Variants in KCNJ5 observed in about 807,000 individuals in gnomAD.
The protein encoded by KCNJ5 is potassium inwardly rectifying channel subfamily J member 5, also known as G protein-activated inward rectifier potassium channel 4.
Under a neutral mutation model 20.2 loss-of-function variants are expected in KCNJ5, and 12 were observed. The observed-to-expected ratio is 0.59, with a 90% CI of 0.38 to 0.96. The LOEUF (loss-of-function observed/expected upper bound fraction) is 0.96, where lower values mean the gene tolerates loss of function less well. Ranked by LOEUF, KCNJ5 falls within the 40% of genes least tolerant of loss-of-function variation. The pLI is 0.00. For missense variants in KCNJ5, 449 were observed against 557.6 expected (o/e 0.81, Z 1.96); for synonymous variants, 210 against 213.9 (o/e 0.98, Z 0.16).
chr11:128,914,653 A>G (rs1035916109), intron 2 of KCNJ5, among the ~76,000 whole-genome samples: 1 of 152,224 alleles, frequency 6.6e-6, no homozygotes, highest in Non-Finnish European at 1.5e-5. Flanking sequence ...CAAAGTGAGG[A>G]AAATCAATCT....
rs1201738349 is a variant in KCNJ5, at chr11:128,918,285, CAAG to C, written c.*1556_*1558del. On this transcript the variant is annotated 3_prime_UTR_variant, in exon 3 of 3. Coordinates refer to ENST00000529694, the MANE Select transcript of KCNJ5 (RefSeq NM_000890.5). ...ATGGCTGCCCCTCCCAGGCTGGAAA[CAAG>C]AGGGCAAGCGGGGTCAGCAGGAGAA... The C allele has an allele frequency of 6.6e-6, 1 of 152,110 alleles. No individual in the cohort carries two copies. Among genetic ancestry groups the C allele is most frequent in the Non-Finnish European group, 1.5e-5 (1 of 68,044 alleles). 9.4% of individuals were successfully genotyped at this position (152,110 alleles called of 1,614,324 possible).
At chr11:128,898,949 G>C (rs1230437327) in intron 1 of KCNJ5, among the ~76,000 whole-genome samples, 1 of 152,170 alleles carries the variant, frequency 6.6e-6, no homozygotes, top group Non-Finnish European at 1.5e-5. Context: ...CACAGTTCTG[G>C]GATTACAGGC....
At position 128,916,602 on chromosome 11, in the gene KCNJ5, C is replaced by T. The variant is rs1944585934; in HGVS notation, c.1131C>T (p.Leu377=). The T allele has an allele frequency of 1.2e-5, 20 of 1,614,064 alleles. No homozygotes were observed. Among genetic ancestry groups the T allele is most frequent in the Non-Finnish European group, 1.7e-5 (20 of 1,179,952 alleles). The change falls in exon 3 of 3, where the codon CTC becomes CTT. Residue 377 remains leucine (L), a synonymous_variant. Coordinates refer to ENST00000529694, the MANE Select transcript of KCNJ5 (RefSeq NM_000890.5). ...LAEMKREGRL[L]QYLPSPPLLG... ...AAATGAAGAGGGAAGGCCGGCTCCT[C>T]CAGTACCTCCCCAGCCCCCCACTGC...
Position 128,911,268 on chromosome 11 carries a change from C to T in KCNJ5, c.-6C>T. 2 of 1,613,364 alleles carry T rather than the reference C, an allele frequency of 1.2e-6. No homozygotes were observed. The highest frequency in any genetic ancestry group is 1.1e-5 in the South Asian group (1 of 91,064). Reference sequence around the variant, plus strand: ...TGGTGTCTTTTTAACTCAAAGCATCCCAGCTATGGCTGGCGATTCTAGGAA... The same window carrying T: ...TGGTGTCTTTTTAACTCAAAGCATCTCAGCTATGGCTGGCGATTCTAGGAA... On this transcript the variant is annotated 5_prime_UTR_variant, in exon 2 of 3. Coordinates refer to ENST00000529694, the MANE Select transcript of KCNJ5 (RefSeq NM_000890.5). This position sits in a 1 kb window ranked among gnomAD's most constrained non-coding sequence, Gnocchi z 6.3.
intron 2 of KCNJ5, among the ~76,000 whole-genome samples, chr11:128,913,626 A>G (rs937151668): frequency 5.3e-5 from 8 of 150,662 alleles, no homozygotes; most frequent in African/African-American, 1.7e-4. Flanking sequence ...GTCAGGCCCT[A>G]AGGATGGGTT....
At chr11:128,901,511 C>T (rs1335396530) in intron 1 of KCNJ5, 1 of 152,264 alleles carries the variant, frequency 6.6e-6, no homozygotes, top group East Asian at 1.9e-4. Flanking sequence ...GTGCAAAGGC[C>T]ATGGAGAATG....
chr11:128,913,883 G>A (rs1294798565), intron 2 of KCNJ5, among the ~76,000 whole-genome samples: 1 of 152,174 alleles, frequency 6.6e-6, no homozygotes, highest in African/African-American at 2.4e-5. Flanking sequence ...CAGCCCCCAG[G>A]AAGCTGGCTG....
Position 128,904,736 on chromosome 11 carries a change from G to C in KCNJ5, c.-10-6528G>C, listed in dbSNP as rs999421063. 7.0e-6 allele frequency: 4 copies of C among 575,440 alleles called. No individual in the cohort carries two copies. The African/African-American group carries it at 7.9e-5, about 11-fold the overall frequency. 35.6% of individuals were successfully genotyped at this position (575,440 alleles called of 1,614,324 possible). On this transcript the variant is annotated intron_variant, in intron 1 of 2. Transcript: ENST00000529694. ...GCTCAACATAATTCAAACACCCAGT[G>C]GGTGTTGAGTGGGGGTTCGCTGACT... is the stretch of plus-strand genomic sequence containing the variant.
chr11:128,911,013 G>A lies in KCNJ5; in HGVS notation c.-10-251G>A, dbSNP rs1383086909. On this transcript the variant is annotated intron_variant, in intron 1 of 2. Transcript: ENST00000529694. This position sits in a 1 kb window ranked among gnomAD's most constrained non-coding sequence, Gnocchi z 6.3. ...ACACTTAATGTGTAGTTTGCACCTA[G>A]ATATTGTTCATTTATTCATTCAACA... Among the ~76,000 whole-genome samples the A allele has an allele frequency of 6.6e-6, 1 of 152,152 alleles. No individual in the cohort carries two copies. Among genetic ancestry groups the A allele is most frequent in the African/African-American group, 2.4e-5 (1 of 41,430 alleles).
chr11:128,895,893 G>C (rs1411552328), intron 1 of KCNJ5, among the ~76,000 whole-genome samples: 1 of 152,210 alleles, frequency 6.6e-6, no homozygotes, highest in African/African-American at 2.4e-5. Context: ...AGCCCAGGGA[G>C]GGGTTTGGAA....
At chr11:128,893,278 C>A (rs78124321) in intron 1 of KCNJ5, among the ~76,000 whole-genome samples, 1 of 151,984 alleles carries the variant, frequency 6.6e-6, no homozygotes, top group African/African-American at 2.4e-5. Context: ...TGGGGCACAG[C>A]GTATGTGCTT....
intron 1 of KCNJ5, among the ~76,000 whole-genome samples, chr11:128,905,110 C>G (rs910204192): frequency 1.3e-5 from 2 of 152,252 alleles, no homozygotes; most frequent in Non-Finnish European, 2.9e-5. Context: ...GGCTTGGGCA[C>G]AGTCTCTGGG....
chr11:128,900,258 C>G (rs1270104548), intron 1 of KCNJ5: 1 of 152,214 alleles, frequency 6.6e-6, no homozygotes, highest in Non-Finnish European at 1.5e-5. Context: ...TCCTTTCAGA[C>G]TAGAATTCTG....
At chr11:128,905,287 C>T (rs1944383045) in intron 1 of KCNJ5, among the ~76,000 whole-genome samples, 1 of 152,240 alleles carries the variant, frequency 6.6e-6, no homozygotes, top group African/African-American at 2.4e-5. Flanking sequence ...ATCCCCCAGC[C>T]CCGCCTCCTC....
In KCNJ5 at chr11:128,911,482, C is replaced by A; in HGVS notation, c.209C>A (p.Thr70Asn). 1 of 1,614,246 alleles carries A rather than the reference C, an allele frequency of 6.2e-7. No individual in the cohort carries two copies. Among genetic ancestry groups the A allele is most frequent in the Non-Finnish European group, 8.5e-7 (1 of 1,180,050 alleles). Reference protein sequence around the residue: ...CNVHHGNVQETYRYLSDLFTT... With the variant: ...CNVHHGNVQENYRYLSDLFTT... ...GTGCACCACGGCAACGTCCAGGAGA[C>A]CTACCGGTACCTGAGTGACCTCTTC... The change falls in exon 2 of 3, where the codon ACC becomes AAC. Residue 70 changes from threonine (T) to asparagine (N), a missense_variant. Physicochemically the swap from Thr to Asn is moderately conservative, Grantham distance 65. Transcript: ENST00000529694. This position sits in a 1 kb window ranked among gnomAD's most constrained non-coding sequence, Gnocchi z 6.3.
At position 128,891,433 on chromosome 11, in the gene KCNJ5, CACACACACAGAGAG is replaced by C. The variant is rs1185080789; in HGVS notation, c.-297_-284del. On this transcript the variant is annotated 5_prime_UTR_variant, in exon 1 of 3. Coordinates refer to ENST00000529694, the MANE Select transcript of KCNJ5 (RefSeq NM_000890.5). The stretch of plus-strand genomic sequence containing the variant: ...ACACACACACACACACACACACACA[CACACACACAGAGAG>C]AGAGAGAGAGAGAGAGAGAGAGAGA... 4.6e-4 allele frequency: 41 copies of C among 88,382 alleles called. No individual in the cohort carries two copies. The highest frequency in any genetic ancestry group is 6.0e-3 in the Middle Eastern group (1 of 168). The allele number at this position is 88,382 out of a possible 1,614,324, so 5.5% of individuals were successfully genotyped here. A position where few individuals can be genotyped will look rare whatever the true frequency, so the allele number is the denominator to read the frequency against.
intron 1 of KCNJ5, chr11:128,904,591 C>T (rs745466665): frequency 5.7e-6 from 5 of 877,168 alleles, no homozygotes; most frequent in South Asian, 2.6e-5. Flanking sequence ...AGCAAAACCG[C>T]GGACTCTGGA....
At chr11:128,902,565 G>A (rs769599740) in intron 1 of KCNJ5, 2 of 1,604,612 alleles carry the variant, frequency 1.2e-6, no homozygotes, top group Non-Finnish European at 1.7e-6. Context: ...GGCTAGTTAG[G>A]ACCACCGGAA....
rs1249014742 is a variant in KCNJ5 at position 128,911,678 on chromosome 11, C to A, written c.405C>A (p.Gly135=). 6.2e-7 allele frequency: 1 copy of A among 1,614,208 alleles called. No individual in the cohort carries two copies. Among genetic ancestry groups the A allele is most frequent in the South Asian group, 1.1e-5 (1 of 91,086 alleles). ...EWIPCVENLS[G]FVSAFLFSIE... ...TTCCTTGTGTTGAAAACCTCAGTGG[C>A]TTCGTGTCCGCTTTCCTGTTCTCCA... The change falls in exon 2 of 3, where the codon GGC becomes GGA. Residue 135 remains glycine (G), a synonymous_variant. Coordinates refer to ENST00000529694, the MANE Select transcript of KCNJ5 (RefSeq NM_000890.5). This position sits in a 1 kb window ranked among gnomAD's most constrained non-coding sequence, Gnocchi z 6.3.
Sources: allele counts gnomAD v4.1 joint callset (sites outside exome capture counted in the v4.1 genomes callset), GRCh38; gene constraint gnomAD v4.1.1; non-coding constraint Gnocchi (gnomAD v3.1); transcripts MANE v1.5; gene names NCBI Gene and HGNC (gene_info 2026-07-23, HGNC 2026-07-21).